The following SHTN1 variants were observed in gnomAD, a reference collection of about 807,000 sequenced individuals.
SHTN1 encodes shootin 1.
SHTN1 carries 42 observed loss-of-function variants against 83.1 expected under a neutral mutation model. The ratio of observed to expected loss-of-function variants is 0.51; its 90% CI spans 0.39 to 0.65. The LOEUF (loss-of-function observed/expected upper bound fraction) is 0.65, where lower values mean the gene tolerates loss of function less well. SHTN1 is among the 30% of genes least tolerant of loss of function. The probability of loss-of-function intolerance (pLI) is 0.00; values close to 1 mark genes in which losing one functional copy is unlikely to be tolerated. For missense variants in SHTN1, 622 were observed against 737.8 expected (o/e 0.84, Z 1.82); for synonymous variants, 224 against 247.7 (o/e 0.90, Z 0.90).
In SHTN1 at chr10:117,122,011, G is replaced by A. The variant is rs371004501; in HGVS notation, c.-189+4296C>T. Among the ~76,000 whole-genome samples the A allele has an allele frequency of 1.1e-4, 17 of 151,918 alleles. No homozygotes were observed. The East Asian group carries it at 1.2e-3, about 10-fold the overall frequency. ...CGCGCCACTGCACTCCAGCCTGGGC[G>A]ACACAGCAAGACCCCATCTCAAAAA... On this transcript the variant is annotated intron_variant, in intron 1 of 17. Transcript: ENST00000392901.
At chr10:117,045,569 C>G (rs1852649363) in intron 2 of SHTN1, among the ~76,000 whole-genome samples, 1 of 152,152 alleles carries the variant, frequency 6.6e-6, no homozygotes, top group South Asian at 2.1e-4. Context: ...GAAACAAAAA[C>G]AAGGACACTA....
chr10:117,043,576 C>A (rs1054431105), intron 2 of SHTN1, among the ~76,000 whole-genome samples: 1 of 152,172 alleles, frequency 6.6e-6, no homozygotes, highest in Admixed American at 6.5e-5. Context: ...CATGGTGGCT[C>A]ATGCCTGTAA....
intron 1 of SHTN1, among the ~76,000 whole-genome samples, chr10:117,090,846 G>A (rs1185883152): frequency 6.6e-6 from 1 of 151,900 alleles, no homozygotes; most frequent in Non-Finnish European, 1.5e-5. Flanking sequence ...AGGGAAAGGT[G>A]AGCCAGGAAA....
At chr10:117,052,622 A>G (rs1039733094) in intron 1 of SHTN1, among the ~76,000 whole-genome samples, 3 of 152,124 alleles carry the variant, frequency 2.0e-5, no homozygotes, top group East Asian at 1.9e-4. Flanking sequence ...AAATAAAACC[A>G]TATGTCTATA....
intron 16 of SHTN1, among the ~76,000 whole-genome samples, chr10:116,888,164 G>A (rs1192599832): frequency 6.6e-6 from 1 of 152,214 alleles, no homozygotes; most frequent in African/African-American, 2.4e-5. Context: ...CTGTGCTGTA[G>A]TGAGGACAGA....
At chr10:116,906,877 A>G (rs1589795139) in intron 14 of SHTN1, 130 bp from the exon 15 acceptor site, 1 of 729,568 alleles carries the variant, frequency 1.4e-6, no homozygotes, top group South Asian at 2.7e-5. Flanking sequence ...AATTTGCTAT[A>G]TATTAATATT....
intron 1 of SHTN1, among the ~76,000 whole-genome samples, chr10:117,120,969 C>T (rs985691008): frequency 6.6e-6 from 1 of 152,040 alleles, no homozygotes; most frequent in African/African-American, 2.4e-5. Flanking sequence ...GCCAACATGC[C>T]TAGCTAATTT....
At chr10:117,111,572 G>T (rs1373536983) in intron 1 of SHTN1, among the ~76,000 whole-genome samples, 1 of 151,982 alleles carries the variant, frequency 6.6e-6, no homozygotes, top group African/African-American at 2.4e-5. Flanking sequence ...GATTACAGGC[G>T]TGAGCCACTG....
chr10:116,893,748 A>G (rs1396812781), intron 16 of SHTN1, among the ~76,000 whole-genome samples: 3 of 152,178 alleles, frequency 2.0e-5, no homozygotes, highest in African/African-American at 7.2e-5. Flanking sequence ...TCTCTTAAGG[A>G]ATGGTTATAT....
chr10:116,934,246 T>C (rs1488610725), intron 9 of SHTN1, among the ~76,000 whole-genome samples: 1 of 152,246 alleles, frequency 6.6e-6, no homozygotes, highest in East Asian at 1.9e-4. Flanking sequence ...CCCATGCCTA[T>C]GTCCTGAATG....
chr10:116,923,440 T>C (rs376997641), intron 11 of SHTN1, among the ~76,000 whole-genome samples: 16 of 152,210 alleles, frequency 1.1e-4, no homozygotes, highest in South Asian at 1.0e-3. Context: ...AAGCCAGCAA[T>C]AGAAAACACA....
chr10:117,025,364 G>A (rs975182124), intron 2 of SHTN1, among the ~76,000 whole-genome samples: 3 of 152,204 alleles, frequency 2.0e-5, no homozygotes, highest in African/African-American at 7.2e-5. Context: ...CTGGGCAGAG[G>A]AGAATTGCCG....
Position 116,973,979 on chromosome 10 carries a change from T to C in SHTN1, c.112-5267A>G, listed in dbSNP as rs1850706534. The C allele has an allele frequency of 5.0e-6, 6 of 1,211,448 alleles. No individual in the cohort carries two copies. In the South Asian group the frequency reaches 7.2e-5, roughly 15 times the overall value. 75.0% of individuals were successfully genotyped at this position (1,211,448 alleles called of 1,614,324 possible). ...CTGTGCTTTCTGGATTTCTACACTCTTATCCCTAAAGAATACAACACATTA... is the reference window on the plus strand; with the variant it reads ...CTGTGCTTTCTGGATTTCTACACTCCTATCCCTAAAGAATACAACACATTA... On this transcript the variant is annotated intron_variant, in intron 2 of 16. Coordinates refer to ENST00000355371, the MANE Select transcript of SHTN1 (RefSeq NM_001127211.3).
At chr10:116,905,651 T>A (rs1341706175) in intron 15 of SHTN1, among the ~76,000 whole-genome samples, 1 of 152,244 alleles carries the variant, frequency 6.6e-6, no homozygotes, top group Non-Finnish European at 1.5e-5. Flanking sequence ...ATATTCTTGC[T>A]ACTTAAATTT....
intron 1 of SHTN1, among the ~76,000 whole-genome samples, chr10:116,982,823 A>G (rs930151737): frequency 1.3e-5 from 2 of 152,096 alleles, no homozygotes; most frequent in Non-Finnish European, 2.9e-5. Context: ...TTAGCCAGGT[A>G]TGGCAGCACA....
chr10:116,935,765 G>A (rs180996444), intron 9 of SHTN1, among the ~76,000 whole-genome samples: 9 of 152,248 alleles, frequency 5.9e-5, no homozygotes, highest in African/African-American at 1.9e-4. Flanking sequence ...GGTACCTCTG[G>A]TAGAAATCAG....
chr10:117,069,893 C>A (rs547568639), intron 1 of SHTN1, among the ~76,000 whole-genome samples: 12 of 152,196 alleles, frequency 7.9e-5, no homozygotes, highest in African/African-American at 2.9e-4. Context: ...CCTGTTATAT[C>A]TAGCCAACAG....
chr10:117,017,144 G>T (rs1469548485), intron 2 of SHTN1, among the ~76,000 whole-genome samples: 1 of 152,142 alleles, frequency 6.6e-6, no homozygotes, highest in Non-Finnish European at 1.5e-5. Context: ...AAGGACTCAG[G>T]AACCAACCTG....
At chr10:117,074,620 A>T (rs1274149589) in intron 1 of SHTN1, among the ~76,000 whole-genome samples, 1 of 152,232 alleles carries the variant, frequency 6.6e-6, no homozygotes, top group Non-Finnish European at 1.5e-5. Context: ...ATTAATTTCC[A>T]TATCACTTTC....
Sources: allele counts gnomAD v4.1 joint callset (sites outside exome capture counted in the v4.1 genomes callset), GRCh38; gene constraint gnomAD v4.1.1; transcripts MANE v1.5; gene names NCBI Gene and HGNC (gene_info 2026-07-23, HGNC 2026-07-21).